CDH13: variants seen among roughly 807,000 people sequenced by gnomAD.
The protein encoded by CDH13 is cadherin-13.
A neutral mutation model predicts 63.8 loss-of-function variants in CDH13; 24 were observed. The observed-to-expected ratio is 0.38, with a 90% confidence interval of 0.27 to 0.53. The LOEUF (loss-of-function observed/expected upper bound fraction) is 0.53, where lower values mean the gene tolerates loss of function less well. Ranked by LOEUF, CDH13 falls within the 20% of genes least tolerant of loss-of-function variation. CDH13 has a pLI of 0.85. For missense variants in CDH13, 1,049 were observed against 903.1 expected (o/e 1.16, Z -2.07); for synonymous variants, 503 against 355.3 (o/e 1.42, Z -4.67).
intron 10 of CDH13, among the ~76,000 whole-genome samples, chr16:83,696,836 C>T (rs911864753): frequency 5.9e-5 from 9 of 152,108 alleles, no homozygotes; most frequent in Non-Finnish European, 1.5e-5. Flanking sequence ...TCGCGGTGAT[C>T]CTCTTAAACT....
intron 2 of CDH13, among the ~76,000 whole-genome samples, chr16:83,010,767 A>G (rs148871669): frequency 6.6e-6 from 1 of 152,306 alleles, no homozygotes; most frequent in East Asian, 1.9e-4. Context: ...TGAACCTATG[A>G]TTAGAAACAT....
In CDH13 at chr16:83,126,635, G is replaced by A. The variant is rs192535324; in HGVS notation, c.483+1134G>A. 1.9e-4 allele frequency among the ~76,000 whole-genome samples: 29 copies of A among 152,268 alleles called. 1 individual carries two copies. The South Asian group carries it at 4.1e-3, about 22-fold the overall frequency. On this transcript the variant is annotated intron_variant, in intron 4 of 13. Coordinates refer to ENST00000567109, the MANE Select transcript of CDH13 (RefSeq NM_001257.5). ...GTAGCTTAGGAGAAGGGACAAGGAA[G>A]TTGATCTCGAGAACAAAGAACAAGG...
At chr16:82,962,175 C>T (rs1358312296) in intron 2 of CDH13, among the ~76,000 whole-genome samples, 1 of 152,236 alleles carries the variant, frequency 6.6e-6, no homozygotes, top group Non-Finnish European at 1.5e-5. Context: ...TGAGCGTATC[C>T]TAAATTGAAT....
At chr16:82,684,270 C>T (rs1186137348) in intron 1 of CDH13, among the ~76,000 whole-genome samples, 1 of 152,154 alleles carries the variant, frequency 6.6e-6, no homozygotes, top group Non-Finnish European at 1.5e-5. Flanking sequence ...GAGAGTAAAC[C>T]ATGGTGTCTG....
intron 3 of CDH13, among the ~76,000 whole-genome samples, chr16:83,050,767 G>A (rs1298946320): frequency 6.6e-6 from 1 of 151,962 alleles, no homozygotes; most frequent in African/African-American, 2.4e-5. Context: ...TCATACTGGG[G>A]TTAACTGTGT....
chr16:83,311,794 G>A (rs760536587), intron 5 of CDH13, among the ~76,000 whole-genome samples: 2 of 152,190 alleles, frequency 1.3e-5, no homozygotes, highest in Non-Finnish European at 2.9e-5. Flanking sequence ...GAAGAACCTT[G>A]CCAGGTGCAG....
At chr16:82,674,938 A>G (rs1038444449) in intron 1 of CDH13, among the ~76,000 whole-genome samples, 19 of 152,234 alleles carry the variant, frequency 1.2e-4, no homozygotes, top group Non-Finnish European at 1.9e-4. Context: ...GATGGATATC[A>G]AAAAGCTATA....
chr16:83,484,670 T>G (rs1002637304), intron 6 of CDH13, among the ~76,000 whole-genome samples: 1 of 152,240 alleles, frequency 6.6e-6, no homozygotes, highest in African/African-American at 2.4e-5. Context: ...CCTCTCTTCT[T>G]CTCCAGATTT....
intron 1 of CDH13, among the ~76,000 whole-genome samples, chr16:82,688,386 A>G (rs1915298110): frequency 6.6e-6 from 1 of 152,224 alleles, no homozygotes; most frequent in Non-Finnish European, 1.5e-5. Flanking sequence ...CCTCAGCTGT[A>G]AAAAGAAGCC....
intron 8 of CDH13, among the ~76,000 whole-genome samples, chr16:83,661,252 C>G (rs746333612): frequency 6.6e-6 from 1 of 152,066 alleles, no homozygotes; most frequent in African/African-American, 2.4e-5. Context: ...TTTGCGGGAC[C>G]AAGACAGGAG....
intron 8 of CDH13, among the ~76,000 whole-genome samples, chr16:83,663,230 A>G (rs920195568): frequency 2.0e-5 from 3 of 152,208 alleles, no homozygotes; most frequent in African/African-American, 7.2e-5. Flanking sequence ...CTAGGATCAC[A>G]TGATACAAAA....
intron 11 of CDH13, among the ~76,000 whole-genome samples, chr16:83,762,006 G>A (rs1186565540): frequency 6.6e-6 from 1 of 151,738 alleles, no homozygotes. Flanking sequence ...GGCAGAGGTT[G>A]CAGTGAGCTA....
At chr16:83,485,232 C>A (rs1181356032) in intron 6 of CDH13, among the ~76,000 whole-genome samples, 1 of 152,198 alleles carries the variant, frequency 6.6e-6, no homozygotes, top group Non-Finnish European at 1.5e-5. Context: ...GCACAGATCC[C>A]TTGCGGACAC....
intron 8 of CDH13, among the ~76,000 whole-genome samples, chr16:83,626,634 A>G (rs1024345099): frequency 1.2e-4 from 18 of 151,080 alleles, no homozygotes; most frequent in Admixed American, 1.3e-4. Flanking sequence ...ACTGAACTCA[A>G]CGTTGTCCTC....
intron 7 of CDH13, among the ~76,000 whole-genome samples, chr16:83,568,098 A>G: frequency 6.6e-6 from 1 of 151,952 alleles, no homozygotes; most frequent in East Asian, 1.9e-4. Context: ...TTTAAATCAA[A>G]TTCTCTTCTC....
intron 4 of CDH13, among the ~76,000 whole-genome samples, chr16:83,169,583 C>T (rs963590180): frequency 3.7e-4 from 56 of 150,324 alleles, no homozygotes; most frequent in Admixed American, 1.5e-3. Context: ...TTCTCCATGT[C>T]TTGGGAAGCA....
intron 6 of CDH13, among the ~76,000 whole-genome samples, chr16:83,456,520 G>T (rs1291087239): frequency 6.6e-6 from 1 of 152,180 alleles, no homozygotes. Context: ...CCCTTTGTGG[G>T]TTCAGAGGCA....
At chr16:82,725,868 C>T (rs2033067090) in intron 1 of CDH13, among the ~76,000 whole-genome samples, 1 of 152,112 alleles carries the variant, frequency 6.6e-6, no homozygotes, top group South Asian at 2.1e-4. Flanking sequence ...TATTGCAGTT[C>T]TCCAGTTACC....
In CDH13 at chr16:83,542,018, T is replaced by C. The variant is rs530487093; in HGVS notation, c.960+55363T>C. ...GCTATTAGTATTAATGTGTTAGCGT[T>C]GTCTGACCCTTGCTCCTTACAGTGT... On this transcript the variant is annotated intron_variant, in intron 7 of 13. Coordinates refer to ENST00000567109, the MANE Select transcript of CDH13 (RefSeq NM_001257.5). Among the ~76,000 whole-genome samples, 4 of 152,376 alleles carry C rather than the reference T, an allele frequency of 2.6e-5. No homozygotes were observed. In the South Asian group the frequency reaches 6.2e-4, roughly 24 times the overall value.
Sources: allele counts gnomAD v4.1 joint callset (sites outside exome capture counted in the v4.1 genomes callset), GRCh38; gene constraint gnomAD v4.1.1; transcripts MANE v1.5; gene names NCBI Gene and HGNC (gene_info 2026-07-23, HGNC 2026-07-21).